The following PADI4 variants were observed in gnomAD, a reference collection of about 807,000 sequenced individuals.
PADI4 encodes protein-arginine deiminase type-4.
In PADI4, 62 loss-of-function variants were observed where a neutral mutation model predicts 75.0. That is an observed-to-expected ratio of 0.83 (90% CI 0.67 to 1.02). The LOEUF (loss-of-function observed/expected upper bound fraction) is 1.02, where lower values mean the gene tolerates loss of function less well. PADI4 is among the 50% of genes least tolerant of loss of function. PADI4 has a pLI of 0.00. For synonymous variants in PADI4, 361 were observed against 348.1 expected, an observed-to-expected ratio of 1.04 and a Z score of -0.41; for missense variants, 845 against 850.5, an observed-to-expected ratio of 0.99 and a Z score of 0.08.
chr1:17,359,734 T>C (rs969640898), intron 15 of PADI4, among the ~76,000 whole-genome samples: 3 of 152,160 alleles, frequency 2.0e-5, no homozygotes, highest in Admixed American at 6.5e-5. Context: ...AAACCATACA[T>C]AGTAGTGTAC....
chr1:17,338,499 T>A (rs1462971478), intron 5 of PADI4, among the ~76,000 whole-genome samples: 1 of 152,178 alleles, frequency 6.6e-6, no homozygotes, highest in African/African-American at 2.4e-5. Flanking sequence ...CAAACTCATA[T>A]CAGAGCAGGC....
chr1:17,334,362 G>A (rs1330621102), intron 3 of PADI4: 2 of 449,978 alleles, frequency 4.4e-6, no homozygotes, highest in Admixed American at 2.5e-5. Context: ...GAGTGCAATG[G>A]CATGATCTCG....
At chr1:17,341,204 T>G (rs2074413128) in intron 6 of PADI4, among the ~76,000 whole-genome samples, 2 of 151,494 alleles carry the variant, frequency 1.3e-5, no homozygotes, top group Admixed American at 6.6e-5. Flanking sequence ...GTTCAAGCAA[T>G]TCTCCTGCCT....
intron 8 of PADI4, among the ~76,000 whole-genome samples, chr1:17,344,879 C>G (rs1034314667): frequency 1.3e-5 from 2 of 152,204 alleles, no homozygotes; most frequent in African/African-American, 4.8e-5. Context: ...TGGTTTGGAG[C>G]CCCCACACAG....
chr1:17,318,685 T>C (rs1055564244), intron 1 of PADI4, among the ~76,000 whole-genome samples: 3 of 106,658 alleles, frequency 2.8e-5, no homozygotes, highest in Admixed American at 1.9e-4. Flanking sequence ...ATGCTGATTT[T>C]TTTTCTTTTT....
intron 1 of PADI4, among the ~76,000 whole-genome samples, chr1:17,319,544 T>C (rs2073998856): frequency 6.6e-6 from 1 of 151,986 alleles, no homozygotes; most frequent in South Asian, 2.1e-4. Context: ...GAGAGAGACA[T>C]TCAAAGACAG....
At chr1:17,330,125 C>T (rs1171537800) in intron 1 of PADI4, among the ~76,000 whole-genome samples, 2 of 152,218 alleles carry the variant, frequency 1.3e-5, no homozygotes, top group South Asian at 2.1e-4. Flanking sequence ...GGACACACCC[C>T]TCCATGCCTA....
chr1:17,342,429 G>A (rs375515341), intron 8 of PADI4, 27 bp downstream of exon 8: 17 of 1,403,386 alleles, frequency 1.2e-5, no homozygotes, highest in Non-Finnish European at 1.6e-5. Flanking sequence ...TGCTGGGGTG[G>A]GTCCAGACAA....
At chr1:17,335,679 A>G (rs1349401054) in intron 3 of PADI4, among the ~76,000 whole-genome samples, 5 of 152,206 alleles carry the variant, frequency 3.3e-5, no homozygotes, top group Non-Finnish European at 7.3e-5. Context: ...CAGGGTTGCA[A>G]TTTGTCCCCA....
At chr1:17,353,414 G>A (rs1454291497) in intron 10 of PADI4, among the ~76,000 whole-genome samples, 3 of 152,232 alleles carry the variant, frequency 2.0e-5, no homozygotes, top group Admixed American at 1.3e-4. Flanking sequence ...AAACTGCAGT[G>A]AAGAAGTAAA....
At chr1:17,363,213 G>T (rs1308935582) in intron 15 of PADI4, among the ~76,000 whole-genome samples, 1 of 152,146 alleles carries the variant, frequency 6.6e-6, no homozygotes, top group Non-Finnish European at 1.5e-5. Flanking sequence ...TGACCTCCTG[G>T]GCTCAAGTGA....
chr1:17,341,444 G>A (rs1217256005), intron 6 of PADI4, among the ~76,000 whole-genome samples: 2 of 152,116 alleles, frequency 1.3e-5, no homozygotes, highest in Admixed American at 6.6e-5. Context: ...TTGGTGACAG[G>A]TCAACTTATT....
Position 17,341,978 on chromosome 1 carries a change from G to A in PADI4, c.688G>A (p.Gly230Ser). Residue 230 changes from glycine (G) to serine (S), a missense_variant, in exon 7 of 16, where the codon GGT becomes AGT. Gly to Ser is a moderately conservative substitution (Grantham distance 56). Transcript: ENST00000375448. ...KLSSKCSVVL[G>S]PKWPSHYLMV... ...GTCCTCCAAGTGCAGCGTAGTCTTG[G>A]GTCCCAAGTGGCCCTCTCACTACCT... The A allele has an allele frequency of 6.2e-7, 1 of 1,614,022 alleles. No individual in the cohort carries two copies. Among genetic ancestry groups the A allele is most frequent in the Non-Finnish European group, 8.5e-7 (1 of 1,179,970 alleles).
intron 13 of PADI4, among the ~76,000 whole-genome samples, 175 bp from the exon 14 acceptor site, chr1:17,358,663 A>G (rs1367999676): frequency 6.6e-6 from 1 of 152,120 alleles, no homozygotes; most frequent in Non-Finnish European, 1.5e-5. Flanking sequence ...ATACTGCTAA[A>G]ATATTGTATT....
intron 9 of PADI4, 106 bp from the exon 10 acceptor site, chr1:17,347,835 A>G: frequency 1.7e-6 from 1 of 573,506 alleles, no homozygotes; most frequent in Non-Finnish European, 3.1e-6. Flanking sequence ...TGTGCCCTTG[A>G]CTGCAAGGGT....
Position 17,331,140 on chromosome 1 carries a change from C to T in PADI4, c.264C>T (p.Gly88=), listed in dbSNP as rs202100380. 209 of 1,609,494 alleles carry T rather than the reference C, an allele frequency of 1.3e-4. No homozygotes were observed. Among genetic ancestry groups the T allele is most frequent in the Middle Eastern group, 1.2e-3 (7 of 6,050 alleles). ...LTMKVASGST[G]DQKVQISYYG... ...TGAAAGTGGCCAGTGGTAGCACAGG[C>T]GACCAGAAGGTGAGTGTCATAGCTG... is the stretch of plus-strand genomic sequence containing the variant. The change falls in exon 2 of 16, where the codon GGC becomes GGT. Residue 88 remains glycine (G), a synonymous_variant. Coordinates refer to ENST00000375448, the MANE Select transcript of PADI4 (RefSeq NM_012387.3).
chr1:17,327,034 C>T (rs1341214843), intron 1 of PADI4, among the ~76,000 whole-genome samples: 1 of 151,870 alleles, frequency 6.6e-6, no homozygotes, highest in Non-Finnish European at 1.5e-5. Context: ...CCTCTGCCTC[C>T]TGAGTAGCTA....
At chr1:17,318,673 G>C (rs897187216) in intron 1 of PADI4, among the ~76,000 whole-genome samples, 4 of 149,228 alleles carry the variant, frequency 2.7e-5, no homozygotes, top group African/African-American at 9.8e-5. Flanking sequence ...GCGAAAATTG[G>C]CATGCTGATT....
Position 17,363,605 on chromosome 1 carries a change from G to A in PADI4, c.1842G>A (p.Glu614=). 1 of 1,614,220 alleles carries A rather than the reference G, an allele frequency of 6.2e-7. No homozygotes were observed. Among genetic ancestry groups the A allele is most frequent in the African/African-American group, 1.3e-5 (1 of 75,076 alleles). Residue 614 remains glutamate (E), a synonymous_variant, in exon 16 of 16, where the codon GAG becomes GAA. Transcript: ENST00000375448. ...TCAACGGCCGCTGCTGCCTGGAGGA[G>A]AAGGTGTGTTCCCTGCTGGAGCCAC... ...PVINGRCCLE[E]KVCSLLEPLG...
Sources: gnomAD v4.1 joint callset for allele counts (sites outside exome capture counted in the v4.1 genomes callset) on GRCh38, gnomAD v4.1.1 for gene constraint, MANE v1.5 for transcripts, NCBI Gene and HGNC (gene_info 2026-07-23, HGNC 2026-07-21) for gene names.